HIVEP3: variants seen among roughly 807,000 people sequenced by gnomAD.
HIVEP3 encodes transcription factor HIVEP3.
HIVEP3 carries 49 observed loss-of-function variants against 152.8 expected under a neutral mutation model. The ratio of observed to expected loss-of-function variants is 0.32; its 90% CI spans 0.26 to 0.41. The LOEUF (loss-of-function observed/expected upper bound fraction) is 0.41, where lower values mean the gene tolerates loss of function less well. HIVEP3 is among the 10% of genes least tolerant of loss of function. The probability of loss-of-function intolerance (pLI) is 1.00; values close to 1 mark genes in which losing one functional copy is unlikely to be tolerated. For synonymous variants in HIVEP3, 1,269 were observed against 1,289.0 expected (o/e 0.98, Z 0.33); for missense variants, 2,790 against 3,103.3 (o/e 0.90, Z 2.40).
chr1:41,529,782 A>C, intron 5 of HIVEP3, among the ~76,000 whole-genome samples: 1 of 133,086 alleles, frequency 7.5e-6, no homozygotes, highest in African/African-American at 2.9e-5. Flanking sequence ...CCACATCCCC[A>C]CACACTCATA....
At chr1:41,856,062 T>C (rs1270384096) in intron 1 of HIVEP3, among the ~76,000 whole-genome samples, 4 of 152,226 alleles carry the variant, frequency 2.6e-5, no homozygotes, top group Non-Finnish European at 5.9e-5. Flanking sequence ...CTGCCCCTCC[T>C]GCCCATATGG....
chr1:41,820,748 T>C (rs1250798017), intron 1 of HIVEP3, among the ~76,000 whole-genome samples: 2 of 152,266 alleles, frequency 1.3e-5, no homozygotes, highest in Non-Finnish European at 2.9e-5. Context: ...GTCCTAGATA[T>C]TAATCCATTA....
intron 1 of HIVEP3, among the ~76,000 whole-genome samples, chr1:41,706,810 C>T (rs749752885): frequency 1.5e-4 from 23 of 152,112 alleles, no homozygotes; most frequent in South Asian, 2.1e-4. Context: ...TCTACTGTTC[C>T]GCCGATGTTC....
intron 1 of HIVEP3, among the ~76,000 whole-genome samples, chr1:41,718,543 C>T (rs1332241221): frequency 6.6e-6 from 1 of 152,094 alleles, no homozygotes; most frequent in Admixed American, 6.5e-5. Context: ...GAGATTGAAC[C>T]CTGCTGGAAT....
chr1:41,573,777 G>A (rs1644286149), intron 5 of HIVEP3, among the ~76,000 whole-genome samples: 1 of 152,180 alleles, frequency 6.6e-6, no homozygotes, highest in Non-Finnish European at 1.5e-5. Flanking sequence ...TGGGGGGCTA[G>A]TCTCAGGCAG....
intron 1 of HIVEP3, among the ~76,000 whole-genome samples, chr1:41,808,606 C>T (rs1357067456): frequency 1.3e-5 from 2 of 152,230 alleles, no homozygotes; most frequent in African/African-American, 4.8e-5. Context: ...CTGCACACCT[C>T]CAATTACAGC....
intron 1 of HIVEP3, among the ~76,000 whole-genome samples, chr1:41,987,566 A>C (rs1037257652): frequency 6.6e-6 from 1 of 152,204 alleles, no homozygotes; most frequent in Non-Finnish European, 1.5e-5. Flanking sequence ...GCACAAAAAC[A>C]GACATAGAGA....
At chr1:41,787,954 C>T (rs1649461972) in intron 1 of HIVEP3, among the ~76,000 whole-genome samples, 1 of 151,980 alleles carries the variant, frequency 6.6e-6, no homozygotes, top group East Asian at 1.9e-4. Context: ...GGTTCTGAGC[C>T]CCTGGGGAGA....
intron 5 of HIVEP3, among the ~76,000 whole-genome samples, chr1:41,529,141 TCA>T (rs1247544511): frequency 2.4e-4 from 8 of 33,038 alleles, no homozygotes; most frequent in Non-Finnish European, 4.0e-4. Flanking sequence ...CAACTCACCC[TCA>T]CACACACCCT....
intron 3 of HIVEP3, among the ~76,000 whole-genome samples, chr1:41,609,022 T>G (rs1321058527): frequency 6.6e-6 from 1 of 151,524 alleles, no homozygotes; most frequent in African/African-American, 2.4e-5. Flanking sequence ...AGGTGGAGGT[T>G]GCAGTGAGCC....
At chr1:41,772,978 TG>T (rs1422039448) in intron 1 of HIVEP3, among the ~76,000 whole-genome samples, 26 of 152,330 alleles carry the variant, frequency 1.7e-4, no homozygotes, top group African/African-American at 6.3e-4. Context: ...TTCTGAACAC[TG>T]TATGTGCACT....
chr1:41,802,279 C>T (rs1173870244), intron 1 of HIVEP3, among the ~76,000 whole-genome samples: 2 of 152,132 alleles, frequency 1.3e-5, no homozygotes, highest in African/African-American at 2.4e-5. Context: ...GCAGTGGCGC[C>T]ATCTCAGCTC....
At chr1:41,651,739 T>C (rs1053761401) in intron 2 of HIVEP3, among the ~76,000 whole-genome samples, 28 of 152,260 alleles carry the variant, frequency 1.8e-4, no homozygotes, top group Admixed American at 1.4e-3. Flanking sequence ...CAAGACCCTT[T>C]GGCCCTTGCC....
intron 3 of HIVEP3, among the ~76,000 whole-genome samples, chr1:41,585,703 G>C (rs557777747): frequency 2.0e-5 from 3 of 152,272 alleles, no homozygotes; most frequent in Admixed American, 6.5e-5. Context: ...CTAAGCCTCA[G>C]TTGCCTAATC....
At chr1:41,692,176 T>C (rs1350722201) in intron 2 of HIVEP3, among the ~76,000 whole-genome samples, 26 of 152,246 alleles carry the variant, frequency 1.7e-4, no homozygotes, top group Admixed American at 1.7e-3. Context: ...AATGTGCGTG[T>C]TCCCAGATGA....
At chr1:41,751,103 C>T (rs1217738102) in intron 1 of HIVEP3, among the ~76,000 whole-genome samples, 1 of 152,128 alleles carries the variant, frequency 6.6e-6, no homozygotes, top group African/African-American at 2.4e-5. Context: ...CTCTACCATG[C>T]AATGACCGGC....
At chr1:41,518,264 TA>T (rs1244640583) in intron 7 of HIVEP3, 137 bp downstream of exon 7, 1 of 756,844 alleles carries the variant, frequency 1.3e-6, no homozygotes, top group East Asian at 2.5e-5. Context: ...AAGGTGAAGC[TA>T]TTGGAGGGAG....
chr1:41,544,877 T>TC (rs1643670156), intron 5 of HIVEP3, among the ~76,000 whole-genome samples: 3 of 4,034 alleles, frequency 7.4e-4, no homozygotes, highest in African/African-American at 3.9e-3. Context: ...CCACCACCAC[T>TC]ACCACCTCTA....
intron 1 of HIVEP3, among the ~76,000 whole-genome samples, chr1:41,866,066 G>A (rs1445852214): frequency 1.3e-5 from 2 of 152,322 alleles, no homozygotes; most frequent in South Asian, 2.1e-4. Context: ...ACAGAGAGAC[G>A]GATAACTATC....
Sources: gnomAD v4.1 joint callset for allele counts (sites outside exome capture counted in the v4.1 genomes callset) on GRCh38, gnomAD v4.1.1 for gene constraint, MANE v1.5 for transcripts, NCBI Gene and HGNC (gene_info 2026-07-23, HGNC 2026-07-21) for gene names.